Variants in PSD3 observed in about 807,000 individuals in gnomAD.
PSD3 encodes PH and SEC7 domain-containing protein 3.
Under a neutral mutation model 105.5 loss-of-function variants are expected in PSD3, and 49 were observed. The ratio of observed to expected loss-of-function variants is 0.46; its 90% CI spans 0.37 to 0.59. The LOEUF is 0.59. Ranked by LOEUF, PSD3 falls within the 20% of genes least tolerant of loss-of-function variation. PSD3 has a pLI of 0.00. For missense variants in PSD3, 1,561 were observed against 1,263.8 expected (o/e 1.24, Z -3.57); for synonymous variants, 557 against 457.8 (o/e 1.22, Z -2.77).
At chr8:18,585,925 G>C (rs931769632) in intron 12 of PSD3, among the ~76,000 whole-genome samples, 2 of 152,024 alleles carry the variant, frequency 1.3e-5, no homozygotes, top group South Asian at 2.1e-4. Context: ...ATGACTCTTC[G>C]TAACTCTTCA....
rs749519916 is a variant in PSD3, at chr8:18,535,730, C to T, written c.*13G>A. ...TTGCTCCATGACCAGCACTTCCTGG[C>T]CGCAGATGGACTCTAAGTAACTTTT... On this transcript the variant is annotated 3_prime_UTR_variant, in exon 16 of 16. Coordinates refer to ENST00000327040, the MANE Select transcript of PSD3 (RefSeq NM_015310.4). 31 of 1,589,764 alleles carry T rather than the reference C, an allele frequency of 1.9e-5. No homozygotes were observed. Among genetic ancestry groups the T allele is most frequent in the Non-Finnish European group, 2.7e-5 (31 of 1,158,032 alleles).
chr8:19,023,573 A>G (rs28555431), intron 1 of PSD3, among the ~76,000 whole-genome samples: 12,035 of 125,308 alleles, frequency 0.096, 1,484 homozygotes, highest in African/African-American at 0.28. Flanking sequence ...TGGAGACTAC[A>G]GACATGCATT....
At chr8:18,811,688 C>G (rs1404679419) in intron 4 of PSD3, among the ~76,000 whole-genome samples, 2 of 152,046 alleles carry the variant, frequency 1.3e-5, no homozygotes, top group Non-Finnish European at 2.9e-5. Context: ...GCATTCCAAG[C>G]CCAGAGAAGG....
At chr8:18,635,768 G>C (rs989429936) in intron 10 of PSD3, among the ~76,000 whole-genome samples, 42 of 151,756 alleles carry the variant, frequency 2.8e-4, no homozygotes, top group African/African-American at 9.2e-4. Context: ...ATCATTCTCA[G>C]CAAACTAACA....
At chr8:18,665,639 T>C (rs1198769849) in intron 9 of PSD3, among the ~76,000 whole-genome samples, 2 of 152,208 alleles carry the variant, frequency 1.3e-5, no homozygotes, top group Non-Finnish European at 2.9e-5. Flanking sequence ...AGTTCTACTG[T>C]GGGTAAAATG....
chr8:19,047,756 C>G (rs186781870), intron 1 of PSD3, among the ~76,000 whole-genome samples: 16 of 152,180 alleles, frequency 1.1e-4, no homozygotes, highest in Admixed American at 1.0e-3. Context: ...CCCTCTCCTC[C>G]CTAAGAATGG....
chr8:18,561,192 G>C lies in PSD3; in HGVS notation c.2785-4840C>G, dbSNP rs576589122. Among the ~76,000 whole-genome samples the C allele has an allele frequency of 3.9e-5, 6 of 152,296 alleles. No individual in the cohort carries two copies. In the South Asian group the frequency reaches 6.2e-4, roughly 16 times the overall value. The stretch of plus-strand genomic sequence containing the variant: ...GAAGAGGGAACAGCTCTTGGCTGCA[G>C]CATTATTCACAATAGCTAAGATCTA... On this transcript the variant is annotated intron_variant, in intron 14 of 15. Coordinates refer to ENST00000327040, the MANE Select transcript of PSD3 (RefSeq NM_015310.4).
intron 1 of PSD3, among the ~76,000 whole-genome samples, chr8:18,977,571 TAGAG>T (rs766260518): frequency 5.3e-5 from 8 of 152,278 alleles, no homozygotes; most frequent in Non-Finnish European, 7.4e-5. Context: ...TTTAAAAAGA[TAGAG>T]AGATTTGTCT....
chr8:18,826,437 T>C (rs571021665), intron 4 of PSD3, among the ~76,000 whole-genome samples: 39 of 152,340 alleles, frequency 2.6e-4, no homozygotes, highest in Non-Finnish European at 5.1e-4. Context: ...ATTTCCCTTC[T>C]AACTTGCCTA....
At chr8:18,675,490 A>G (rs1237955665) in intron 9 of PSD3, among the ~76,000 whole-genome samples, 3 of 152,170 alleles carry the variant, frequency 2.0e-5, no homozygotes, top group Non-Finnish European at 4.4e-5. Context: ...GGGGCATTTC[A>G]TGTTGTAAAA....
At chr8:18,627,118 G>A (rs182046776) in intron 11 of PSD3, among the ~76,000 whole-genome samples, 45 of 152,010 alleles carry the variant, frequency 3.0e-4, no homozygotes, top group African/African-American at 9.9e-4. Context: ...AGAAAACATT[G>A]GATTATAATT....
chr8:18,866,185 T>C (rs901141977), intron 4 of PSD3, among the ~76,000 whole-genome samples: 5 of 152,176 alleles, frequency 3.3e-5, no homozygotes, highest in African/African-American at 1.2e-4. Context: ...TTATCACAAT[T>C]TGCAGTCCTC....
intron 2 of PSD3, among the ~76,000 whole-genome samples, chr8:18,915,636 A>G (rs1820532569): frequency 6.6e-6 from 1 of 152,234 alleles, no homozygotes. Flanking sequence ...GCTGAATGTC[A>G]CTAATCATCA....
chr8:19,072,492 A>T (rs573040991), intron 1 of PSD3, among the ~76,000 whole-genome samples: 1 of 152,232 alleles, frequency 6.6e-6, no homozygotes, highest in South Asian at 2.1e-4. Context: ...GACATTAGGT[A>T]TACAGAACAC....
intron 4 of PSD3, among the ~76,000 whole-genome samples, chr8:18,812,273 G>C (rs757505349): frequency 3.3e-5 from 5 of 152,186 alleles, no homozygotes; most frequent in Non-Finnish European, 5.9e-5. Flanking sequence ...AGAAACACCT[G>C]TGAGCTCACT....
chr8:18,916,998 C>G (rs934115539), intron 2 of PSD3, among the ~76,000 whole-genome samples: 1 of 152,164 alleles, frequency 6.6e-6, no homozygotes, highest in Non-Finnish European at 1.5e-5. Flanking sequence ...ATATCTGCAT[C>G]TGAATGTGCC....
At chr8:19,033,417 G>A (rs868111817) in intron 1 of PSD3, among the ~76,000 whole-genome samples, 3 of 151,804 alleles carry the variant, frequency 2.0e-5, no homozygotes, top group East Asian at 1.9e-4. Context: ...TTTATTTTTC[G>A]AAGTTTACTT....
At chr8:18,842,456 G>A (rs926509588) in intron 4 of PSD3, among the ~76,000 whole-genome samples, 12 of 152,212 alleles carry the variant, frequency 7.9e-5, no homozygotes, top group South Asian at 2.1e-4. Flanking sequence ...GGCTTTGGCC[G>A]GGCGCGGTGG....
intron 1 of PSD3, among the ~76,000 whole-genome samples, chr8:19,064,852 C>A (rs1003114102): frequency 6.6e-6 from 1 of 152,150 alleles, no homozygotes; most frequent in Non-Finnish European, 1.5e-5. Flanking sequence ...GTGATTTTAG[C>A]TTGAAGTAAA....
Sources: gnomAD v4.1 joint callset for allele counts (sites outside exome capture counted in the v4.1 genomes callset) on GRCh38, gnomAD v4.1.1 for gene constraint, MANE v1.5 for transcripts, NCBI Gene and HGNC (gene_info 2026-07-23, HGNC 2026-07-21) for gene names.